Variants in EXOC2 observed in about 807,000 individuals in gnomAD.
EXOC2 encodes SEC5-like 1.
EXOC2 carries 70 observed loss-of-function variants against 131.8 expected under a neutral mutation model. That is an observed-to-expected ratio of 0.53 (90% CI 0.44 to 0.65). EXOC2 has a LOEUF of 0.65. Among genes scored for constraint, EXOC2 ranks in the 30% least tolerant of loss-of-function variants. The pLI is 0.00. For synonymous variants in EXOC2, 411 were observed against 398.4 expected (o/e 1.03, Z -0.38); for missense variants, 923 against 1,108.6 (o/e 0.83, Z 2.38).
chr6:684,275 G>C (rs577021217), intron 1 of EXOC2, among the ~76,000 whole-genome samples: 16 of 152,258 alleles, frequency 1.1e-4, no homozygotes, highest in African/African-American at 3.6e-4. Flanking sequence ...GTTTAGAGAA[G>C]GGGGAGGGGT....
chr6:585,338 G>C lies in EXOC2; in HGVS notation c.1192+7131C>G, dbSNP rs566794985. Among the ~76,000 whole-genome samples the C allele has an allele frequency of 4.6e-5, 7 of 152,280 alleles. No individual in the cohort carries two copies. In the East Asian group the frequency reaches 9.6e-4, roughly 21 times the overall value. ...ATGCAAGAGGCATGTGGAGCGTTTG[G>C]GGGTAAAGGACCAGGTGTGTGAGGT... On this transcript the variant is annotated intron_variant, in intron 11 of 27. Coordinates refer to ENST00000230449, the MANE Select transcript of EXOC2 (RefSeq NM_018303.6).
intron 17 of EXOC2, among the ~76,000 whole-genome samples, chr6:557,612 C>T: frequency 1.6e-5 from 1 of 64,282 alleles, no homozygotes; most frequent in African/African-American, 6.1e-5. Flanking sequence ...AGAGAGACTT[C>T]ATCTCAAAAA....
At chr6:521,704 T>C (rs2127524474) in intron 23 of EXOC2, among the ~76,000 whole-genome samples, 1 of 152,128 alleles carries the variant, frequency 6.6e-6, no homozygotes, top group Admixed American at 6.5e-5. Context: ...TTTTTGTGTT[T>C]TTTTGTAGGG....
intron 1 of EXOC2, among the ~76,000 whole-genome samples, chr6:674,645 TC>T (rs1218361880): frequency 3.3e-5 from 5 of 152,122 alleles, no homozygotes; most frequent in Non-Finnish European, 5.9e-5. Flanking sequence ...ACTGTACTGA[TC>T]TTTTCTCCTC....
intron 22 of EXOC2, among the ~76,000 whole-genome samples, chr6:547,282 G>T (rs1756914740): frequency 6.6e-6 from 1 of 152,184 alleles, no homozygotes; most frequent in Admixed American, 6.5e-5. Context: ...TGAAAAACTG[G>T]CCGTTTAATG....
rs763783427 is a variant in EXOC2, at chr6:564,167, A to G, written c.1668-13T>C. On this transcript the variant is annotated splice_polypyrimidine_tract_variant and intron_variant, in intron 15 of 27. Transcript: ENST00000230449. ...TTCATGAGTAAGTCTGCGAACAAAC[A>G]CATCCAAACAGAAGTGAGCAGAGTG... 1 of 1,613,178 alleles carries G rather than the reference A, an allele frequency of 6.2e-7. No individual in the cohort carries two copies. Among genetic ancestry groups the G allele is most frequent in the East Asian group, 2.2e-5 (1 of 44,876 alleles).
At chr6:535,917 TATAA>T (rs1342928944) in intron 22 of EXOC2, among the ~76,000 whole-genome samples, 5 of 152,174 alleles carry the variant, frequency 3.3e-5, no homozygotes, top group African/African-American at 9.7e-5. Flanking sequence ...AAATAGAAAC[TATAA>T]ATAAATTTTA....
intron 13 of EXOC2, among the ~76,000 whole-genome samples, chr6:566,902 G>A (rs1017339934): frequency 2.6e-5 from 4 of 152,140 alleles, no homozygotes; most frequent in African/African-American, 7.2e-5. Flanking sequence ...AGGTCTTTCT[G>A]GCTTGGCATA....
At chr6:593,848 G>A (rs1307355450) in intron 10 of EXOC2, among the ~76,000 whole-genome samples, 1 of 152,186 alleles carries the variant, frequency 6.6e-6, no homozygotes, top group African/African-American at 2.4e-5. Flanking sequence ...TGTTACTCAG[G>A]TATCTCAATC....
rs770155101 is a variant in EXOC2, at chr6:549,216, A to C, written c.2197T>G (p.Phe733Val). ...RHTFLNIAEH[F>V]EKHNFQGIEK... The stretch of plus-strand genomic sequence containing the variant: ...ATTCCCTGGAAGTTGTGCTTTTCAA[A>C]ATGTTCTGCGATATTTAGGAAGGTG... Residue 733 changes from phenylalanine to valine, a missense_variant, in exon 22 of 28, where the codon TTT becomes GTT. Transcript: ENST00000230449. 6.2e-7 allele frequency: 1 copy of C among 1,614,212 alleles called. No homozygotes were observed. The highest frequency in any genetic ancestry group is 1.3e-5 in the African/African-American group (1 of 75,046).
Position 656,253 on chromosome 6 carries a change from A to AC in EXOC2, c.-43-18393dup, listed in dbSNP as rs1335477452. On this transcript the variant is annotated intron_variant, in intron 1 of 27. Coordinates refer to ENST00000230449, the MANE Select transcript of EXOC2 (RefSeq NM_018303.6). The stretch of plus-strand genomic sequence containing the variant: ...AAACTGCAGAAGCTTCCGATTGTCC[A>AC]CCCGCACTTGCACCATGCTCTCCAG... The AC allele has an allele frequency of 3.7e-6, 6 of 1,613,990 alleles. No individual in the cohort carries two copies. In the African/African-American group the frequency reaches 8.0e-5, roughly 22 times the overall value.
intron 22 of EXOC2, among the ~76,000 whole-genome samples, chr6:539,283 C>T (rs1402623155): frequency 3.3e-5 from 5 of 152,146 alleles, no homozygotes; most frequent in East Asian, 1.9e-4. Flanking sequence ...AAGTAAAAGG[C>T]GTATGCTGGA....
chr6:645,505 A>G, intron 1 of EXOC2, among the ~76,000 whole-genome samples: 1 of 152,318 alleles, frequency 6.6e-6, no homozygotes, highest in East Asian at 1.9e-4. Context: ...CTAGAAGGAA[A>G]TATTCACAAT....
intron 2 of EXOC2, among the ~76,000 whole-genome samples, chr6:637,236 G>A (rs572072188): frequency 1.6e-3 from 244 of 152,182 alleles, no homozygotes; most frequent in African/African-American, 5.5e-3. Context: ...ACACATGCCC[G>A]CCAGGTGGAG....
intron 1 of EXOC2, among the ~76,000 whole-genome samples, chr6:660,233 A>G (rs1470565336): frequency 1.4e-5 from 2 of 144,698 alleles, no homozygotes; most frequent in Non-Finnish European, 1.5e-5. Flanking sequence ...GACAAAGGAC[A>G]TATAATCTTG....
chr6:596,348 T>C (rs1759819603), intron 10 of EXOC2, among the ~76,000 whole-genome samples: 3 of 151,904 alleles, frequency 2.0e-5, no homozygotes, highest in Non-Finnish European at 2.9e-5. Context: ...ACAGCAGCTT[T>C]CAGGCCAGAC....
Position 565,895 on chromosome 6 carries a change from T to C in EXOC2, c.1444-966A>G, listed in dbSNP as rs72835939. Among the ~76,000 whole-genome samples, 33 of 152,302 alleles carry C rather than the reference T, an allele frequency of 2.2e-4. No individual in the cohort carries two copies. The Middle Eastern group carries it at 0.014, about 63-fold the overall frequency. On this transcript the variant is annotated intron_variant, in intron 13 of 27. Transcript: ENST00000230449. ...CTGCGTGTAGGGTTAGTTTATATAA[T>C]GAACATATCAATGTAAGTAAAATAT...
rs550540210 is a variant in EXOC2, at chr6:492,033, C to T, written c.2560-847G>A. On this transcript the variant is annotated intron_variant, in intron 25 of 27. Coordinates refer to ENST00000230449, the MANE Select transcript of EXOC2 (RefSeq NM_018303.6). ...GGATCACAGATCTAAATGTAAGAAA[C>T]TTATGAAACTATCAGAAGAAACCCA... 1.1e-4 allele frequency among the ~76,000 whole-genome samples: 17 copies of T among 152,284 alleles called. 1 individual carries two copies. The South Asian group carries it at 1.9e-3, about 17-fold the overall frequency.
chr6:674,445 T>G (rs557480996), intron 1 of EXOC2, among the ~76,000 whole-genome samples: 2 of 152,184 alleles, frequency 1.3e-5, no homozygotes, highest in Non-Finnish European at 2.9e-5. Flanking sequence ...GTACTAAATA[T>G]GAACTGTGAA....
Sources: gnomAD v4.1 joint callset for allele counts (sites outside exome capture counted in the v4.1 genomes callset) on GRCh38, gnomAD v4.1.1 for gene constraint, MANE v1.5 for transcripts, NCBI Gene and HGNC (gene_info 2026-07-23, HGNC 2026-07-21) for gene names.